The following AMY1A variants were observed in gnomAD, a reference collection of about 807,000 sequenced individuals.
AMY1A encodes the protein amylase alpha 1A, also known as alpha-amylase 1A.
A neutral mutation model predicts 13.5 loss-of-function variants in AMY1A; 3 were observed. That is an observed-to-expected ratio of 0.22 (90% CI 0.10 to 0.57). AMY1A has a LOEUF of 0.57. AMY1A is among the 20% of genes least tolerant of loss of function. The pLI is 0.92. For synonymous variants in AMY1A, 3 were observed against 29.4 expected (o/e 0.10, Z 2.90); for missense variants, 9 against 101.2 (o/e 0.09, Z 3.91).
At chr1:103,662,116 G>A (rs1474480335) in intron 8 of AMY1A, among the ~76,000 whole-genome samples, 2 of 95,486 alleles carry the variant, frequency 2.1e-5, no homozygotes, top group Non-Finnish European at 4.4e-5. Flanking sequence ...GCCCTTGCAG[G>A]CCAGGTGCAG....
At chr1:103,660,761 GTTTA>G (rs1653402351) in intron 8 of AMY1A, 85 bp downstream of exon 8, 3 of 842,836 alleles carry the variant, frequency 3.6e-6, no homozygotes, top group Admixed American at 3.3e-5. Context: ...ACTATTAAGT[GTTTA>G]TTTATTCAAC....
rs779990035 is a variant in AMY1A, at chr1:103,660,448, G to C, written c.967G>C (p.Gly323Arg). The C allele has an allele frequency of 7.1e-7, 1 of 1,401,156 alleles. No individual in the cohort carries two copies. Among genetic ancestry groups the C allele is most frequent in the East Asian group, 2.4e-5 (1 of 41,262 alleles). The allele number at this position is 1,401,156 out of a possible 1,614,324, so 86.8% of individuals were successfully genotyped here. ...NHDNQRGHGA[G>R]GASILTFWDA... is the part of the protein sequence containing the mutation. ...TGACAATCAACGAGGACATGGCGCT[G>C]GAGGAGCCTCTATACTTACCTTCTG... Residue 323 changes from glycine (G) to arginine (R), a missense_variant, in exon 7 of 11, where the codon GGA becomes CGA. Transcript: ENST00000370083.
intron 8 of AMY1A, among the ~76,000 whole-genome samples, chr1:103,661,974 CAG>C (rs1302846401): frequency 2.6e-5 from 2 of 76,812 alleles, no homozygotes; most frequent in Admixed American, 1.5e-4. Context: ...AACTGAGACA[CAG>C]AGAAATTATT....
intron 8 of AMY1A, among the ~76,000 whole-genome samples, chr1:103,662,355 C>T (rs1326317189): frequency 5.2e-5 from 6 of 116,342 alleles, no homozygotes; most frequent in Admixed American, 9.2e-5. Flanking sequence ...CAGTGAGCTA[C>T]GATCATGCCA....
chr1:103,662,315 G>A (rs1334485232), intron 8 of AMY1A, among the ~76,000 whole-genome samples: 6 of 129,972 alleles, frequency 4.6e-5, no homozygotes, highest in African/African-American at 2.6e-5. Flanking sequence ...TGAGATGGGA[G>A]GTTCGCTTGA....
intron 8 of AMY1A, among the ~76,000 whole-genome samples, chr1:103,662,172 G>A (rs1653424149): frequency 7.9e-6 from 1 of 125,988 alleles, no homozygotes; most frequent in Admixed American, 8.3e-5. Flanking sequence ...CAGCTGAGAA[G>A]GTCAGCTGAC....
chr1:103,662,330 CG>C (rs1299247604), intron 8 of AMY1A, among the ~76,000 whole-genome samples: 10 of 125,392 alleles, frequency 8.0e-5, no homozygotes, highest in African/African-American at 2.4e-4. Context: ...GCTTGAGCCT[CG>C]GAGATCAAGG....
At chr1:103,662,330 C>T (rs1195199942) in intron 8 of AMY1A, among the ~76,000 whole-genome samples, 6 of 125,438 alleles carry the variant, frequency 4.8e-5, no homozygotes, top group East Asian at 3.2e-4. Context: ...GCTTGAGCCT[C>T]GGAGATCAAG....
At position 103,662,979 on chromosome 1, in the gene AMY1A, C is replaced by T; in HGVS notation, c.1314C>T (p.Asn438=). 1 of 54,936 alleles carries T rather than the reference C, an allele frequency of 1.8e-5. No individual in the cohort carries two copies. Among genetic ancestry groups the T allele is most frequent in the South Asian group, 1.6e-4 (1 of 6,170 alleles). 3.4% of individuals were successfully genotyped at this position (54,936 alleles called of 1,614,324 possible). The change falls in exon 10 of 11, where the codon AAC becomes AAT. Residue 438 remains asparagine (N), a synonymous_variant. Coordinates refer to ENST00000370083, the MANE Select transcript of AMY1A (RefSeq NM_004038.4). ...GSNQVAFGRG[N]RGFIVFNNDD... is the part of the protein sequence containing the mutation. The stretch of plus-strand genomic sequence containing the variant: ...ACCAAGTGGCTTTTGGGAGAGGAAA[C>T]AGAGGATTCATTGTTTTCAACAATG...
chr1:103,660,179 ATATG>A (rs1653383521), intron 6 of AMY1A, among the ~76,000 whole-genome samples, 177 bp from the exon 7 acceptor site: 1 of 29,214 alleles, frequency 3.4e-5, no homozygotes, highest in East Asian at 6.6e-4. Context: ...GTGTGTATAT[ATATG>A]TGAGTGTGTG....
intron 8 of AMY1A, among the ~76,000 whole-genome samples, 162 bp from the exon 9 acceptor site, chr1:103,662,495 A>C (rs1653433477): frequency 1.2e-5 from 1 of 82,834 alleles, no homozygotes; most frequent in African/African-American, 3.9e-5. Context: ...GAGATGATGA[A>C]GACCCAGTAA....
chr1:103,662,208 C>A (rs1240423975), intron 8 of AMY1A, among the ~76,000 whole-genome samples: 1 of 132,878 alleles, frequency 7.5e-6, no homozygotes, highest in African/African-American at 2.6e-5. Context: ...CCTATCTGGG[C>A]AAGCTAGCAA....
At chr1:103,662,378 CTGGG>C (rs1171856921) in intron 8 of AMY1A, among the ~76,000 whole-genome samples, 1 of 90,468 alleles carries the variant, frequency 1.1e-5, no homozygotes, top group Non-Finnish European at 2.3e-5. Context: ...GTACTCCAGC[CTGGG>C]TGACAGAGCA....
chr1:103,660,367 G>A lies in AMY1A; in HGVS notation c.886G>A (p.Gly296Arg). The change falls in exon 7 of 11, where the codon GGA becomes AGA. Residue 296 changes from glycine (G) to arginine (R), a missense_variant. By Grantham distance (125) the Gly-to-Arg change is moderately radical. Transcript: ENST00000370083. ...GEKMSYLKNW[G>R]EGWGFMPSDR... Reference sequence around the variant, plus strand: ...CTTATGTTTCAAAAATAGGAACTGGGGAGAAGGTTGGGGTTTCATGCCTTC... The same window carrying A: ...CTTATGTTTCAAAAATAGGAACTGGAGAGAAGGTTGGGGTTTCATGCCTTC... 1 of 1,272,984 alleles carries A rather than the reference G, an allele frequency of 7.9e-7. No homozygotes were observed. Among genetic ancestry groups the A allele is most frequent in the Non-Finnish European group, 1.1e-6 (1 of 942,146 alleles). The allele number at this position is 1,272,984 out of a possible 1,614,324, so 78.9% of individuals were successfully genotyped here.
At chr1:103,662,176 A>G (rs1234296228) in intron 8 of AMY1A, among the ~76,000 whole-genome samples, 20 of 127,358 alleles carry the variant, frequency 1.6e-4, no homozygotes, top group African/African-American at 5.4e-4. Context: ...TGAGAAGGTC[A>G]GCTGACCTGA....
chr1:103,662,154 T>C (rs1282304874), intron 8 of AMY1A, among the ~76,000 whole-genome samples: 3 of 117,644 alleles, frequency 2.6e-5, no homozygotes, highest in Middle Eastern at 3.9e-3. Context: ...CCCAGCACTG[T>C]GTGCGGCCAG....
intron 8 of AMY1A, among the ~76,000 whole-genome samples, chr1:103,662,196 G>A (rs1349200840): frequency 3.1e-5 from 4 of 130,412 alleles, no homozygotes; most frequent in African/African-American, 8.0e-5. Context: ...AGGAGTTCAA[G>A]ACCTATCTGG....
chr1:103,662,267 C>T lies in AMY1A; in HGVS notation c.1102-390C>T, dbSNP rs1158049492. ...AAAAAAAAAAAAAATTAGCTGGGTG[C>T]GGTGGTGCACACCAACAGTCTTAGC... On this transcript the variant is annotated intron_variant, in intron 8 of 10. Transcript: ENST00000370083. Among the ~76,000 whole-genome samples the T allele has an allele frequency of 1.1e-3, 156 of 136,660 alleles. 3 individuals are homozygous for T. The highest frequency in any genetic ancestry group is 2.2e-3 in the Non-Finnish European group (137 of 61,878). 89.7% of individuals were successfully genotyped at this position (136,660 alleles called of 152,430 possible).
chr1:103,662,357 A>G (rs1653430506), intron 8 of AMY1A, among the ~76,000 whole-genome samples: 1 of 115,706 alleles, frequency 8.6e-6, no homozygotes, highest in Non-Finnish European at 1.9e-5. Flanking sequence ...GTGAGCTACG[A>G]TCATGCCACT....
Sources: allele counts gnomAD v4.1 joint callset (sites outside exome capture counted in the v4.1 genomes callset), GRCh38; gene constraint gnomAD v4.1.1; transcripts MANE v1.5; gene names NCBI Gene and HGNC (gene_info 2026-07-23, HGNC 2026-07-21).